PAFAH1B1: variants seen among roughly 807,000 people sequenced by gnomAD.
PAFAH1B1 encodes platelet activating factor acetylhydrolase 1b regulatory subunit 1.
In PAFAH1B1, 2 loss-of-function variants were observed where a neutral mutation model predicts 57.5. The observed-to-expected ratio is 0.03, with a 90% CI of 0.01 to 0.11. The LOEUF (loss-of-function observed/expected upper bound fraction) is 0.11. PAFAH1B1 is among the 10% of genes least tolerant of loss of function. PAFAH1B1 has a pLI of 1.00. For synonymous variants in PAFAH1B1, 152 were observed against 169.6 expected, an observed-to-expected ratio of 0.90 and a Z score of 0.81; for missense variants, 257 against 512.0, an observed-to-expected ratio of 0.50 and a Z score of 4.81.
rs577683115 is a variant in PAFAH1B1, at chr17:2,674,475, A to G, written c.900+187A>G. Reference sequence around the variant, plus strand: ...TTACATTATTTAACCAGTGATGATTATTGCTGTCAGCCTATCCTTGATTTG... The same window carrying G: ...TTACATTATTTAACCAGTGATGATTGTTGCTGTCAGCCTATCCTTGATTTG... On this transcript the variant is annotated intron_variant, in intron 8 of 10. Coordinates refer to ENST00000397195, the MANE Select transcript of PAFAH1B1 (RefSeq NM_000430.4). 2.0e-5 allele frequency among the ~76,000 whole-genome samples: 3 copies of G among 152,296 alleles called. No homozygotes were observed. The East Asian group carries it at 5.8e-4, about 29-fold the overall frequency.
chr17:2,680,094 C>T (rs1256039383), intron 9 of PAFAH1B1, 70 bp from the exon 10 acceptor site: 4 of 1,322,442 alleles, frequency 3.0e-6, no homozygotes, highest in Non-Finnish European at 4.4e-6. Context: ...ATAGTTTTAT[C>T]GTATTATGAA....
At chr17:2,638,556 G>A in intron 2 of PAFAH1B1, 1 of 462,954 alleles carries the variant, frequency 2.2e-6, no homozygotes, top group Non-Finnish European at 3.9e-6. Context: ...CACCCAGGCT[G>A]GAGTGCAATG....
At chr17:2,594,574 G>A (rs919011278) in intron 1 of PAFAH1B1, among the ~76,000 whole-genome samples, 4 of 152,168 alleles carry the variant, frequency 2.6e-5, no homozygotes, top group Non-Finnish European at 5.9e-5. Context: ...AGATGGGGTT[G>A]ACCAGCGGAG....
intron 1 of PAFAH1B1, among the ~76,000 whole-genome samples, chr17:2,627,841 T>C (rs1057334677): frequency 2.0e-5 from 3 of 152,176 alleles, no homozygotes; most frequent in Non-Finnish European, 4.4e-5. Context: ...TTTGTGGCTA[T>C]TGTAAAAGGG....
chr17:2,597,253 C>T (rs2068093069), intron 1 of PAFAH1B1, among the ~76,000 whole-genome samples: 1 of 151,948 alleles, frequency 6.6e-6, no homozygotes, highest in African/African-American at 2.4e-5. Context: ...GTATAGAACT[C>T]TTAATGAGAT....
chr17:2,665,591 T>C, intron 3 of PAFAH1B1, 135 bp downstream of exon 3: 1 of 447,326 alleles, frequency 2.2e-6, no homozygotes, highest in Non-Finnish European at 4.0e-6. Flanking sequence ...TTTTCACTCC[T>C]TTTTTTTTTA....
chr17:2,610,900 C>G (rs1444338756), intron 1 of PAFAH1B1, among the ~76,000 whole-genome samples: 2 of 152,212 alleles, frequency 1.3e-5, no homozygotes, highest in East Asian at 3.8e-4. Context: ...CTTTCAGTGT[C>G]TGATGAGTGG....
Position 2,678,827 on chromosome 17 carries a change from G to A in PAFAH1B1, c.1003-1337G>A, listed in dbSNP as rs151151650. Among the ~76,000 whole-genome samples the A allele has an allele frequency of 5.4e-3, 830 of 152,296 alleles. 6 individuals carry two copies. The highest frequency in any genetic ancestry group is 0.016 in the South Asian group (79 of 4,832). On this transcript the variant is annotated intron_variant, in intron 9 of 10. Transcript: ENST00000397195. ...TTGAACCCAGGAATTTGAGGCTTTA[G>A]TGAGCCGTGATCATGCCACTATACT...
intron 5 of PAFAH1B1, among the ~76,000 whole-genome samples, chr17:2,668,892 C>T (rs1036123380): frequency 2.0e-5 from 3 of 151,830 alleles, no homozygotes; most frequent in Non-Finnish European, 4.4e-5. Flanking sequence ...AGGAGAATGG[C>T]GTGAACCCGG....
intron 1 of PAFAH1B1, among the ~76,000 whole-genome samples, chr17:2,596,218 A>G (rs1288600612): frequency 6.6e-6 from 1 of 152,292 alleles, no homozygotes; most frequent in Admixed American, 6.5e-5. Context: ...ACACACACAT[A>G]TATCTACACT....
intron 2 of PAFAH1B1, among the ~76,000 whole-genome samples, chr17:2,644,464 AC>A (rs2068740379): frequency 6.6e-6 from 1 of 152,128 alleles, no homozygotes. Flanking sequence ...AATCACTTGA[AC>A]TTGGGAGGCG....
intron 1 of PAFAH1B1, among the ~76,000 whole-genome samples, chr17:2,601,207 T>G (rs2068139634): frequency 6.6e-6 from 1 of 152,156 alleles, no homozygotes; most frequent in Non-Finnish European, 1.5e-5. Flanking sequence ...CGATCTTGGC[T>G]CACTGCAGCC....
intron 1 of PAFAH1B1, among the ~76,000 whole-genome samples, chr17:2,632,682 C>T (rs572439817): frequency 6.6e-6 from 1 of 152,106 alleles, no homozygotes; most frequent in South Asian, 2.1e-4. Context: ...TTGTCATTCT[C>T]TTAATAATAC....
At chr17:2,623,547 T>C (rs1270718622) in intron 1 of PAFAH1B1, among the ~76,000 whole-genome samples, 1 of 151,888 alleles carries the variant, frequency 6.6e-6, no homozygotes, top group Non-Finnish European at 1.5e-5. Context: ...CGTGAGCCAC[T>C]GCGTCTGGCC....
intron 9 of PAFAH1B1, chr17:2,679,709 T>C (rs1262884767): frequency 4.7e-6 from 1 of 212,762 alleles, no homozygotes; most frequent in Non-Finnish European, 9.6e-6. Context: ...ATCCTTCACT[T>C]AGTTACCATT....
chr17:2,651,691 C>T (rs956559787), intron 2 of PAFAH1B1, among the ~76,000 whole-genome samples: 2 of 151,874 alleles, frequency 1.3e-5, no homozygotes, highest in African/African-American at 2.4e-5. Flanking sequence ...CCCAAAAAGC[C>T]TTAAGTGTTT....
intron 1 of PAFAH1B1, among the ~76,000 whole-genome samples, chr17:2,617,804 C>T (rs969476538): frequency 5.3e-5 from 8 of 152,018 alleles, no homozygotes; most frequent in African/African-American, 1.9e-4. Context: ...TCTGTAATCC[C>T]AGCTACTCGG....
intron 2 of PAFAH1B1, among the ~76,000 whole-genome samples, chr17:2,648,194 A>G (rs1334373683): frequency 2.0e-5 from 3 of 152,054 alleles, no homozygotes; most frequent in Admixed American, 6.6e-5. Context: ...ATTAGATCTC[A>G]TGAGAGCTTA....
chr17:2,625,772 G>C (rs2068481930), intron 1 of PAFAH1B1, among the ~76,000 whole-genome samples: 1 of 151,898 alleles, frequency 6.6e-6, no homozygotes, highest in African/African-American at 2.4e-5. Context: ...GCGGAGGTTG[G>C]GGGTAAAAAG....
Sources: allele counts gnomAD v4.1 joint callset (sites outside exome capture counted in the v4.1 genomes callset), GRCh38; gene constraint gnomAD v4.1.1; transcripts MANE v1.5; gene names NCBI Gene and HGNC (gene_info 2026-07-23, HGNC 2026-07-21).